The following PTPN13 variants were observed in gnomAD, a reference collection of about 807,000 sequenced individuals.
PTPN13 encodes the protein tyrosine-protein phosphatase non-receptor type 13.
Under a neutral mutation model 284.0 loss-of-function variants are expected in PTPN13, and 191 were observed. The ratio of observed to expected loss-of-function variants is 0.67; its 90% CI spans 0.60 to 0.76. The LOEUF is 0.76. Among genes scored for constraint, PTPN13 ranks in the 30% least tolerant of loss-of-function variants. The pLI, the probability that PTPN13 is intolerant of heterozygous loss-of-function variation, is 0.00. For synonymous variants in PTPN13, 986 were observed against 1,022.3 expected (o/e 0.96, Z 0.68); for missense variants, 2,797 against 2,939.9 (o/e 0.95, Z 1.12).
Position 86,775,650 on chromosome 4 carries a change from A to T in PTPN13, c.5889A>T (p.Thr1963=). Residue 1963 remains threonine, a splice_region_variant and synonymous_variant, in exon 35 of 48, where the codon ACA becomes ACT. Coordinates refer to ENST00000411767, the MANE Select transcript of PTPN13 (RefSeq NM_080683.3). ...MSLPSLVLKA[T]RNDLPVVPSS... is the part of the protein sequence containing the mutation. ...TTCCTTCATTGGTATTGAAAGCAACAAGGTACTCTGCAATTATTTATGAGT... is the reference window on the plus strand; with the variant it reads ...TTCCTTCATTGGTATTGAAAGCAACTAGGTACTCTGCAATTATTTATGAGT... The T allele has an allele frequency of 1.9e-6, 3 of 1,607,682 alleles. No homozygotes were observed. The highest frequency in any genetic ancestry group is 2.5e-6 in the Non-Finnish European group (3 of 1,176,498).
rs541182291 is a variant in PTPN13 at position 86,812,125 on chromosome 4, A to G, written c.7362+1017A>G. ...GGAGATCGAGACCATCCCGGCTAAA[A>G]CGGTGAAACCCCGTCTCTACTAAAA... On this transcript the variant is annotated intron_variant, in intron 47 of 47. Coordinates refer to ENST00000411767, the MANE Select transcript of PTPN13 (RefSeq NM_080683.3). Among the ~76,000 whole-genome samples, 158 of 151,798 alleles carry G rather than the reference A, an allele frequency of 1.0e-3. 1 individual carries two copies. The highest frequency in any genetic ancestry group is 3.7e-3 in the African/African-American group (154 of 41,398).
chr4:86,775,977 C>T (rs986862408), intron 35 of PTPN13, among the ~76,000 whole-genome samples: 3 of 152,214 alleles, frequency 2.0e-5, no homozygotes, highest in East Asian at 1.9e-4. Flanking sequence ...GACAGTTTCA[C>T]TCTTGTTGCC....
intron 45 of PTPN13, 48 bp from the exon 46 acceptor site, chr4:86,809,721 G>A: frequency 6.6e-7 from 1 of 1,517,032 alleles, no homozygotes; most frequent in South Asian, 1.1e-5. Flanking sequence ...AACTGTATGT[G>A]AACAATATAA....
In PTPN13 at chr4:86,660,401, T is replaced by C. The variant is rs141637581; in HGVS notation, c.116-11964T>C. Among the ~76,000 whole-genome samples, 242 of 152,054 alleles carry C rather than the reference T, an allele frequency of 1.6e-3. 2 individuals are homozygous for C. Among genetic ancestry groups the C allele is most frequent in the African/African-American group, 5.6e-3 (232 of 41,544 alleles). On this transcript the variant is annotated intron_variant, in intron 2 of 47. Transcript: ENST00000411767. The stretch of plus-strand genomic sequence containing the variant: ...CTTCAAATTGAATTCCTGAGGTTTT[T>C]TTTTAAAAAAAAGACTTTATAGGAA...
At chr4:86,793,071 A>T (rs1742872816) in intron 40 of PTPN13, among the ~76,000 whole-genome samples, 1 of 152,216 alleles carries the variant, frequency 6.6e-6, no homozygotes, top group African/African-American at 2.4e-5. Flanking sequence ...TGGCAATTGG[A>T]TAAAGAGTCA....
chr4:86,671,530 T>C (rs530023040), intron 2 of PTPN13, among the ~76,000 whole-genome samples: 2 of 152,310 alleles, frequency 1.3e-5, no homozygotes, highest in East Asian at 3.9e-4. Flanking sequence ...TTGAGCCTAA[T>C]GTACAGCTTT....
In PTPN13 at chr4:86,689,029, A is replaced by G. The variant is rs1729743319; in HGVS notation, c.385A>G (p.Asn129Asp). The change falls in exon 5 of 48, where the codon AAC becomes GAC. Residue 129 changes from asparagine (N) to aspartate (D), a missense_variant. Transcript: ENST00000411767. ...SQPIKLGDHL[N>D]SILLGMCEDV... Reference sequence around the variant, plus strand: ...GCCTATTAAGCTTGGAGATCATCTCAACAGCATACTGCTTGGAATGTGTGA... The same window carrying G: ...GCCTATTAAGCTTGGAGATCATCTCGACAGCATACTGCTTGGAATGTGTGA... 3 of 1,574,572 alleles carry G rather than the reference A, an allele frequency of 1.9e-6. No individual in the cohort carries two copies. In the African/African-American group the frequency reaches 4.1e-5, roughly 21 times the overall value.
At chr4:86,686,095 G>C (rs888577744) in intron 3 of PTPN13, among the ~76,000 whole-genome samples, 5 of 151,900 alleles carry the variant, frequency 3.3e-5, no homozygotes, top group African/African-American at 1.2e-4. Flanking sequence ...GGCGCAGTGG[G>C]TCACGCCTAT....
intron 2 of PTPN13, among the ~76,000 whole-genome samples, chr4:86,666,754 G>A (rs1362182909): frequency 1.3e-5 from 2 of 152,198 alleles, no homozygotes; most frequent in Non-Finnish European, 2.9e-5. Context: ...TGGACCAGGT[G>A]TGATGTTTAC....
chr4:86,689,683 G>A lies in PTPN13; in HGVS notation c.546+493G>A, dbSNP rs577323555. 5 of 702,384 alleles carry A rather than the reference G, an allele frequency of 7.1e-6. No individual in the cohort carries two copies. In the South Asian group the frequency reaches 7.4e-5, roughly 10 times the overall value. 43.5% of individuals were successfully genotyped at this position (702,384 alleles called of 1,614,324 possible). A position where few individuals can be genotyped will look rare whatever the true frequency, so the allele number is the denominator to read the frequency against. On this transcript the variant is annotated intron_variant, in intron 5 of 47. Coordinates refer to ENST00000411767, the MANE Select transcript of PTPN13 (RefSeq NM_080683.3). Reference sequence around the variant, plus strand: ...AACACTGCTACCTAGTGTATCCAGGGAATCCATGCTTGTATCCCTGCCAGA... The same window carrying A: ...AACACTGCTACCTAGTGTATCCAGGAAATCCATGCTTGTATCCCTGCCAGA...
chr4:86,786,336 T>C (rs1204319661), intron 40 of PTPN13, among the ~76,000 whole-genome samples: 1 of 152,196 alleles, frequency 6.6e-6, no homozygotes. Flanking sequence ...CTTAATATTC[T>C]GGGATAATTC....
chr4:86,634,485 C>A (rs112336752), intron 1 of PTPN13, among the ~76,000 whole-genome samples: 7,095 of 152,212 alleles, frequency 0.047, 221 homozygotes, highest in African/African-American at 0.061. Flanking sequence ...ATTGACCTGA[C>A]AAAAATTTCA....
chr4:86,810,255 T>C (rs1745079763), intron 46 of PTPN13, among the ~76,000 whole-genome samples: 1 of 152,200 alleles, frequency 6.6e-6, no homozygotes, highest in Admixed American at 6.5e-5. Flanking sequence ...TTTTATGCAG[T>C]ATTTCATTTT....
intron 7 of PTPN13, among the ~76,000 whole-genome samples, chr4:86,707,614 A>T (rs978958877): frequency 2.0e-5 from 3 of 152,188 alleles, no homozygotes; most frequent in Non-Finnish European, 2.9e-5. Flanking sequence ...TACTTTTAGT[A>T]TCTTAATAAT....
At chr4:86,620,796 A>C (rs903162713) in intron 1 of PTPN13, among the ~76,000 whole-genome samples, 1 of 152,224 alleles carries the variant, frequency 6.6e-6, no homozygotes, top group African/African-American at 2.4e-5. Flanking sequence ...TCTTTCTAGC[A>C]GGTCTAATTT....
At position 86,796,858 on chromosome 4, in the gene PTPN13, T is replaced by C. The variant is rs543718735; in HGVS notation, c.6346-16T>C. ...TTACAATGGGCTGATTTGATTCTTA[T>C]ATATTTTTATTGTAGGCCACCAAAA... On this transcript the variant is annotated splice_polypyrimidine_tract_variant and intron_variant, in intron 40 of 47. Transcript: ENST00000411767. 8.3e-6 allele frequency: 12 copies of C among 1,448,010 alleles called. No homozygotes were observed. The highest frequency in any genetic ancestry group is 4.0e-5 in the Admixed American group (2 of 50,060). 89.7% of individuals were successfully genotyped at this position (1,448,010 alleles called of 1,614,324 possible).
intron 7 of PTPN13, among the ~76,000 whole-genome samples, chr4:86,711,657 A>G (rs944835857): frequency 1.3e-5 from 2 of 152,220 alleles, no homozygotes; most frequent in Non-Finnish European, 2.9e-5. Context: ...TTATGATTCT[A>G]AATGGACCCT....
intron 19 of PTPN13, among the ~76,000 whole-genome samples, chr4:86,751,841 T>C (rs905139222): frequency 4.0e-5 from 6 of 151,824 alleles, no homozygotes; most frequent in Admixed American, 3.3e-4. Flanking sequence ...CTATGGTTGA[T>C]AGGTAGAAGT....
intron 2 of PTPN13, among the ~76,000 whole-genome samples, chr4:86,641,999 GTCT>G (rs1479860976): frequency 1.4e-4 from 21 of 152,122 alleles, no homozygotes; most frequent in African/African-American, 4.1e-4. Flanking sequence ...ATTTTTGTCT[GTCT>G]TCTTCTGTAG....
Sources: gnomAD v4.1 joint callset for allele counts (sites outside exome capture counted in the v4.1 genomes callset) on GRCh38, gnomAD v4.1.1 for gene constraint, MANE v1.5 for transcripts, NCBI Gene and HGNC (gene_info 2026-07-23, HGNC 2026-07-21) for gene names.